SNRK: variants seen among roughly 807,000 people sequenced by gnomAD.
SNRK encodes SNF-related serine/threonine-protein kinase.
SNRK carries 3 observed loss-of-function variants against 48.2 expected under a neutral mutation model. The ratio of observed to expected loss-of-function variants is 0.06; its 90% CI spans 0.03 to 0.16. SNRK has a LOEUF of 0.16. Among genes scored for constraint, SNRK ranks in the 10% least tolerant of loss-of-function variants. The pLI is 1.00. For synonymous variants in SNRK, 376 were observed against 366.1 expected, an observed-to-expected ratio of 1.03 and a Z score of -0.31; for missense variants, 627 against 976.0, an observed-to-expected ratio of 0.64 and a Z score of 4.76.
At chr3:43,316,352 A>T (rs536305053) in intron 3 of SNRK, among the ~76,000 whole-genome samples, 4 of 150,352 alleles carry the variant, frequency 2.7e-5, no homozygotes, top group African/African-American at 4.9e-5. Context: ...GGAGATTTTT[A>T]AAAAATACCT....
intron 3 of SNRK, among the ~76,000 whole-genome samples, chr3:43,306,229 A>AT (rs1575537408): frequency 1.4e-5 from 2 of 139,474 alleles, no homozygotes; most frequent in Admixed American, 1.5e-4. Flanking sequence ...TAGAATTGCT[A>AT]TTTTTAAAAA....
At chr3:43,343,534 T>A in intron 6 of SNRK, 56 bp downstream of exon 6, 3 of 303,416 alleles carry the variant, frequency 9.9e-6, no homozygotes, top group East Asian at 1.2e-4. Flanking sequence ...AATAGCGAAC[T>A]TTTTTTTTTT....
chr3:43,295,655 GT>G lies in SNRK; in HGVS notation c.-168-4096del, dbSNP rs754230129. ...TTTACAACTTAGGGCCTATTGACCT[GT>G]TTATGGTTCTTATCTTTGGTTTATA... On this transcript the variant is annotated intron_variant, in intron 1 of 6. Coordinates refer to ENST00000296088, the MANE Select transcript of SNRK (RefSeq NM_017719.5). Among the ~76,000 whole-genome samples the G allele has an allele frequency of 1.4e-4, 21 of 152,268 alleles. No homozygotes were observed. In the East Asian group the frequency reaches 1.7e-3, roughly 13 times the overall value.
chr3:43,311,569 A>C (rs758184024), intron 3 of SNRK, among the ~76,000 whole-genome samples: 2 of 152,126 alleles, frequency 1.3e-5, no homozygotes, highest in Non-Finnish European at 2.9e-5. Flanking sequence ...AAATCCTGGA[A>C]TCTCTCATTG....
chr3:43,339,818 A>AATATATATATATATAT (rs71083066), intron 4 of SNRK, among the ~76,000 whole-genome samples: 19 of 66,730 alleles, frequency 2.8e-4, no homozygotes, highest in East Asian at 7.6e-4. Flanking sequence ...CCATTTCCAA[A>AATATATATATATATAT]ATATATATAT....
chr3:43,294,699 G>A (rs2090838951), intron 1 of SNRK, among the ~76,000 whole-genome samples: 2 of 151,550 alleles, frequency 1.3e-5, no homozygotes, highest in Non-Finnish European at 2.9e-5. Flanking sequence ...GAAATGTTAG[G>A]TGCCAGTATT....
In SNRK at chr3:43,337,978, G is replaced by T. The variant is rs375543431; in HGVS notation, c.732-2309G>T. ...TTGCCCAGGCTGGTCTGAGACTCCT[G>T]GGCTCAAGCAGTCCCTCCGCCTCAG... On this transcript the variant is annotated intron_variant, in intron 4 of 6. Coordinates refer to ENST00000296088, the MANE Select transcript of SNRK (RefSeq NM_017719.5). Among the ~76,000 whole-genome samples, 123 of 152,126 alleles carry T rather than the reference G, an allele frequency of 8.1e-4. 1 individual carries two copies. The South Asian group carries it at 0.025, about 30-fold the overall frequency.
chr3:43,312,172 G>A (rs1352161361), intron 3 of SNRK, among the ~76,000 whole-genome samples: 1 of 152,114 alleles, frequency 6.6e-6, no homozygotes, highest in Non-Finnish European at 1.5e-5. Flanking sequence ...TTCAGTCTCT[G>A]CATTAATTCT....
chr3:43,316,523 T>C lies in SNRK; in HGVS notation c.589+12731T>C, dbSNP rs558466523. 7.9e-5 allele frequency among the ~76,000 whole-genome samples: 12 copies of C among 152,336 alleles called. No individual in the cohort carries two copies. The East Asian group carries it at 1.2e-3, about 15-fold the overall frequency. ...TTTTAGACATTAGTGGAAAAAGATA[T>C]TTTCAACATTTTAAATTCTGATGTT... On this transcript the variant is annotated intron_variant, in intron 3 of 6. Transcript: ENST00000296088.
chr3:43,295,606 A>G (rs1021240828), intron 1 of SNRK, among the ~76,000 whole-genome samples: 1 of 152,130 alleles, frequency 6.6e-6, no homozygotes, highest in African/African-American at 2.4e-5. Context: ...AATACAACCA[A>G]TCCAGTGAAA....
At chr3:43,327,515 T>C (rs1360717179) in intron 3 of SNRK, among the ~76,000 whole-genome samples, 1 of 152,202 alleles carries the variant, frequency 6.6e-6, no homozygotes, top group Non-Finnish European at 1.5e-5. Flanking sequence ...AAAAGAAAGC[T>C]GATAAAAGGA....
intron 3 of SNRK, among the ~76,000 whole-genome samples, chr3:43,307,518 T>G (rs1039465592): frequency 2.6e-5 from 4 of 152,218 alleles, no homozygotes; most frequent in Non-Finnish European, 4.4e-5. Context: ...TCAAAATATT[T>G]TAAACTTTGT....
intron 3 of SNRK, among the ~76,000 whole-genome samples, chr3:43,330,808 C>T (rs2091140531): frequency 6.6e-6 from 1 of 152,178 alleles, no homozygotes; most frequent in South Asian, 2.1e-4. Flanking sequence ...AGGGTTTGGA[C>T]TGAATGATCC....
At chr3:43,302,320 CAGT>C (rs2090903436) in intron 2 of SNRK, among the ~76,000 whole-genome samples, 1 of 152,172 alleles carries the variant, frequency 6.6e-6, no homozygotes, top group Admixed American at 6.5e-5. Context: ...TTATCCTAAA[CAGT>C]AGTGATGCAA....
At chr3:43,334,003 G>T (rs141201838) in intron 4 of SNRK, among the ~76,000 whole-genome samples, 1 of 151,830 alleles carries the variant, frequency 6.6e-6, no homozygotes, top group Non-Finnish European at 1.5e-5. Flanking sequence ...AAACTTAGCC[G>T]GGCATGGTGG....
chr3:43,314,450 T>C (rs1409533352), intron 3 of SNRK, among the ~76,000 whole-genome samples: 1 of 152,190 alleles, frequency 6.6e-6, no homozygotes, highest in African/African-American at 2.4e-5. Flanking sequence ...TTCTTATCAT[T>C]TGTATAATAT....
chr3:43,320,364 C>T (rs537891119), intron 3 of SNRK, among the ~76,000 whole-genome samples: 21 of 152,236 alleles, frequency 1.4e-4, no homozygotes, highest in African/African-American at 4.8e-4. Flanking sequence ...AGTTCGTATG[C>T]GTCAACTCTC....
At chr3:43,310,338 G>T (rs1457776520) in intron 3 of SNRK, among the ~76,000 whole-genome samples, 2 of 151,938 alleles carry the variant, frequency 1.3e-5, no homozygotes, top group Non-Finnish European at 2.9e-5. Context: ...CATGTAATCT[G>T]TTTCTCTCTG....
At chr3:43,290,626 G>A (rs2090804292) in intron 1 of SNRK, among the ~76,000 whole-genome samples, 1 of 152,150 alleles carries the variant, frequency 6.6e-6, no homozygotes, top group East Asian at 1.9e-4. Flanking sequence ...ATTTTCAGTT[G>A]TCTGCTTACC....
Sources: gnomAD v4.1 joint callset for allele counts (sites outside exome capture counted in the v4.1 genomes callset) on GRCh38, gnomAD v4.1.1 for gene constraint, MANE v1.5 for transcripts, NCBI Gene and HGNC (gene_info 2026-07-23, HGNC 2026-07-21) for gene names.